The following PCDH7 variants were observed in gnomAD, a reference collection of about 807,000 sequenced individuals.
The protein encoded by PCDH7 is protocadherin 7.
In PCDH7, 17 loss-of-function variants were observed where a neutral mutation model predicts 58.9. That is an observed-to-expected ratio of 0.29 (90% CI 0.20 to 0.43). PCDH7 has a LOEUF of 0.43. Among genes scored for constraint, PCDH7 ranks in the 20% least tolerant of loss-of-function variants. PCDH7 has a pLI of 1.00. For synonymous variants in PCDH7, 664 were observed against 616.4 expected (o/e 1.08, Z -1.14); for missense variants, 1,274 against 1,441.0 (o/e 0.88, Z 1.88).
At position 30,904,275 on chromosome 4, in the gene PCDH7, A is replaced by G. The variant is rs181451333; in HGVS notation, c.71-15878A>G. Among the ~76,000 whole-genome samples, 42 of 152,262 alleles carry G rather than the reference A, an allele frequency of 2.8e-4. No homozygotes were observed. The East Asian group carries it at 7.5e-3, about 27-fold the overall frequency. ...GCAAAATCGGCCTCACTAGACTAAA[A>G]TCAAGGGGGCTGGCAAATCAATGTT... On this transcript the variant is annotated intron_variant, in intron 1 of 3. Transcript: ENST00000509759.
In PCDH7 at chr4:31,007,500, T is replaced by A. The variant is rs190946833; in HGVS notation, c.*7+57285T>A. 1.5e-3 allele frequency among the ~76,000 whole-genome samples: 222 copies of A among 152,098 alleles called. 6 individuals are homozygous for A. The South Asian group carries it at 0.022, about 15-fold the overall frequency. ...TACATTATACAATTTTAGTATAAAA[T>A]AACTTATGTCCAGTTTTAATTGTTG... On this transcript the variant is annotated intron_variant, in intron 3 of 3. Transcript: ENST00000509759.
At chr4:30,995,235 C>T (rs916478720) in intron 3 of PCDH7, among the ~76,000 whole-genome samples, 4 of 152,152 alleles carry the variant, frequency 2.6e-5, no homozygotes, top group East Asian at 3.9e-4. Context: ...AGATGAATGA[C>T]GGCCCAGCAC....
intron 3 of PCDH7, among the ~76,000 whole-genome samples, chr4:30,989,779 A>T (rs1367240932): frequency 3.9e-5 from 6 of 152,192 alleles, no homozygotes; most frequent in Non-Finnish European, 7.3e-5. Flanking sequence ...ATCACTGATT[A>T]TCTGACACCC....
intron 3 of PCDH7, among the ~76,000 whole-genome samples, chr4:31,063,452 CT>C (rs1409784783): frequency 1.3e-5 from 2 of 151,582 alleles, no homozygotes; most frequent in Non-Finnish European, 3.0e-5. Flanking sequence ...CTTTTTTAAT[CT>C]GGGGCCTGAC....
chr4:30,892,784 A>T (rs528352429), intron 1 of PCDH7, among the ~76,000 whole-genome samples: 1 of 152,226 alleles, frequency 6.6e-6, no homozygotes, highest in African/African-American at 2.4e-5. Flanking sequence ...ATAACAAAGA[A>T]GGAATCTAAT....
intron 1 of PCDH7, among the ~76,000 whole-genome samples, chr4:30,753,078 AAG>A (rs1271354485): frequency 1.3e-5 from 2 of 152,154 alleles, no homozygotes; most frequent in African/African-American, 4.8e-5. Context: ...ATGAAAGTGA[AAG>A]AGTTCTCAGT....
At chr4:30,907,873 A>C (rs771256546) in intron 1 of PCDH7, among the ~76,000 whole-genome samples, 1 of 152,164 alleles carries the variant, frequency 6.6e-6, no homozygotes, top group South Asian at 2.1e-4. Context: ...ATGATAAACT[A>C]GATTAAGAAA....
intron 3 of PCDH7, among the ~76,000 whole-genome samples, chr4:31,000,805 T>C (rs1327804715): frequency 1.3e-5 from 2 of 151,960 alleles, no homozygotes; most frequent in Non-Finnish European, 2.9e-5. Context: ...AACCAGAAAA[T>C]AACCTAAATG....
intron 1 of PCDH7, among the ~76,000 whole-genome samples, chr4:30,904,453 T>A (rs1425073482): frequency 6.6e-6 from 1 of 152,190 alleles, no homozygotes; most frequent in Non-Finnish European, 1.5e-5. Flanking sequence ...TTTGTGATTA[T>A]AATGGGCCCA....
At chr4:30,739,321 A>C (rs1179975642) in intron 1 of PCDH7, among the ~76,000 whole-genome samples, 1 of 151,562 alleles carries the variant, frequency 6.6e-6, no homozygotes, top group African/African-American at 2.4e-5. Flanking sequence ...ACTTTTTCTA[A>C]GAAGTACCTT....
intron 2 of PCDH7, 101 bp downstream of exon 2, chr4:30,920,470 T>A: frequency 3.2e-6 from 2 of 624,936 alleles, no homozygotes; most frequent in Non-Finnish European, 4.9e-6. Context: ...TAGCTGACAT[T>A]AAAACCATTT....
At chr4:30,834,903 TTA>T (rs761760746) in intron 1 of PCDH7, among the ~76,000 whole-genome samples, 54 of 148,674 alleles carry the variant, frequency 3.6e-4, no homozygotes, top group Middle Eastern at 7.0e-3. Context: ...AACATTGGTG[TTA>T]TATATATATA....
intron 2 of PCDH7, among the ~76,000 whole-genome samples, chr4:30,941,359 C>A (rs142314083): frequency 6.6e-6 from 1 of 152,012 alleles, no homozygotes; most frequent in Non-Finnish European, 1.5e-5. Context: ...ATTTTGTTTT[C>A]ATTTTCATTT....
intron 1 of PCDH7, among the ~76,000 whole-genome samples, chr4:30,882,861 C>A (rs1737170554): frequency 6.6e-6 from 1 of 152,110 alleles, no homozygotes; most frequent in South Asian, 2.1e-4. Context: ...ATCCAAATAT[C>A]TTCATAGATC....
At chr4:31,079,990 C>T (rs138552870) in intron 3 of PCDH7, among the ~76,000 whole-genome samples, 1 of 152,010 alleles carries the variant, frequency 6.6e-6, no homozygotes, top group African/African-American at 2.4e-5. Flanking sequence ...TAAGAAGTGC[C>T]GCAACCTCTC....
chr4:30,958,008 A>G (rs1748026358), intron 3 of PCDH7, among the ~76,000 whole-genome samples: 2 of 152,116 alleles, frequency 1.3e-5, no homozygotes, highest in South Asian at 2.1e-4. Context: ...TATGCTTTAG[A>G]GACCGAAAAT....
intron 2 of PCDH7, among the ~76,000 whole-genome samples, chr4:30,948,160 A>G (rs1038240998): frequency 6.6e-6 from 1 of 151,978 alleles, no homozygotes; most frequent in Non-Finnish European, 1.5e-5. Context: ...TCTCATAAGT[A>G]TACTTTTCAT....
chr4:30,973,275 C>A (rs1560545391), intron 3 of PCDH7, among the ~76,000 whole-genome samples: 1 of 152,074 alleles, frequency 6.6e-6, no homozygotes, highest in Non-Finnish European at 1.5e-5. Flanking sequence ...ACAGAATGAG[C>A]AGAGATTGAG....
chr4:31,061,423 T>A (rs905498535), intron 3 of PCDH7, among the ~76,000 whole-genome samples: 6 of 151,632 alleles, frequency 4.0e-5, no homozygotes, highest in Admixed American at 3.3e-4. Flanking sequence ...TTTAATTTTC[T>A]TCTAGAGAGT....
Sources: allele counts gnomAD v4.1 joint callset (sites outside exome capture counted in the v4.1 genomes callset), GRCh38; gene constraint gnomAD v4.1.1; transcripts MANE v1.5; gene names NCBI Gene and HGNC (gene_info 2026-07-23, HGNC 2026-07-21).